Variants in ITGA9 observed in about 807,000 individuals in gnomAD.
ITGA9 encodes integrin alpha-9.
Under a neutral mutation model 127.8 loss-of-function variants are expected in ITGA9, and 56 were observed. The ratio of observed to expected loss-of-function variants is 0.44; its 90% CI spans 0.35 to 0.55. The LOEUF is 0.55. Ranked by LOEUF, ITGA9 falls within the 20% of genes least tolerant of loss-of-function variation. ITGA9 has a pLI of 0.00. For synonymous variants in ITGA9, 508 were observed against 514.5 expected (o/e 0.99, Z 0.17); for missense variants, 1,196 against 1,347.1 (o/e 0.89, Z 1.76).
chr3:37,601,199 T>C (rs1330476735), intron 15 of ITGA9, among the ~76,000 whole-genome samples: 1 of 152,236 alleles, frequency 6.6e-6, no homozygotes, highest in Non-Finnish European at 1.5e-5. Flanking sequence ...GTGGTTCCTT[T>C]CTTTCTGCCA....
intron 8 of ITGA9, among the ~76,000 whole-genome samples, chr3:37,510,530 A>G (rs1045925673): frequency 6.6e-6 from 1 of 152,090 alleles, no homozygotes; most frequent in Non-Finnish European, 1.5e-5. Flanking sequence ...CAAGTTGATC[A>G]GGTTTTTGGG....
At chr3:37,789,017 TA>T (rs1288137329) in intron 26 of ITGA9, among the ~76,000 whole-genome samples, 1 of 152,160 alleles carries the variant, frequency 6.6e-6, no homozygotes, top group Admixed American at 6.5e-5. Flanking sequence ...CAAAATAAAA[TA>T]AATCCTCAAT....
intron 18 of ITGA9, among the ~76,000 whole-genome samples, chr3:37,704,959 C>A (rs1700988080): frequency 1.3e-5 from 2 of 152,126 alleles, no homozygotes; most frequent in South Asian, 4.1e-4. Context: ...TAACAGGAAG[C>A]CCCTTGTTTG....
intron 18 of ITGA9, among the ~76,000 whole-genome samples, chr3:37,684,274 C>G (rs1036209112): frequency 2.0e-5 from 3 of 152,156 alleles, no homozygotes; most frequent in Non-Finnish European, 4.4e-5. Flanking sequence ...TTGTGGAATC[C>G]TCTCCCTATG....
intron 2 of ITGA9, among the ~76,000 whole-genome samples, chr3:37,472,584 C>T (rs556152446): frequency 8.6e-5 from 13 of 151,974 alleles, no homozygotes; most frequent in South Asian, 4.2e-4. Context: ...TTAGTGGAGA[C>T]GGGGTTTCGC....
intron 15 of ITGA9, among the ~76,000 whole-genome samples, chr3:37,558,373 C>A (rs1699451551): frequency 6.6e-6 from 1 of 152,144 alleles, no homozygotes; most frequent in African/African-American, 2.4e-5. Context: ...AAAGACTGGG[C>A]CCTGTCCTCC....
intron 4 of ITGA9, among the ~76,000 whole-genome samples, chr3:37,489,588 A>G (rs1698645706): frequency 6.6e-6 from 1 of 151,916 alleles, no homozygotes; most frequent in African/African-American, 2.4e-5. Flanking sequence ...TTCCTCTTTA[A>G]CCTAGCTGTT....
chr3:37,487,837 AT>A (rs1263778744), intron 4 of ITGA9, among the ~76,000 whole-genome samples: 7 of 151,716 alleles, frequency 4.6e-5, no homozygotes, highest in South Asian at 2.1e-4. Context: ...AAAAAGTCAT[AT>A]TTTTTTTCAA....
chr3:37,818,766 G>A (rs1188441387), intron 27 of ITGA9, 125 bp from the exon 28 acceptor site: 1 of 732,408 alleles, frequency 1.4e-6, no homozygotes, highest in Non-Finnish European at 2.5e-6. Flanking sequence ...AATCCGAGGG[G>A]TCCTCCAAGC....
chr3:37,803,043 A>C (rs1697252901), intron 26 of ITGA9, among the ~76,000 whole-genome samples: 1 of 152,192 alleles, frequency 6.6e-6, no homozygotes, highest in African/African-American at 2.4e-5. Context: ...TCCTAACTCT[A>C]GTGGGGTCCA....
chr3:37,755,095 T>C (rs1461144697), intron 23 of ITGA9, among the ~76,000 whole-genome samples: 1 of 152,294 alleles, frequency 6.6e-6, no homozygotes, highest in Non-Finnish European at 1.5e-5. Context: ...TTTATTGCTG[T>C]CCCAAGGCTT....
At chr3:37,770,605 TGAC>T (rs1696831165) in intron 23 of ITGA9, among the ~76,000 whole-genome samples, 1 of 152,238 alleles carries the variant, frequency 6.6e-6, no homozygotes, top group Non-Finnish European at 1.5e-5. Context: ...TGGGATCAGA[TGAC>T]GACAACATTT....
intron 23 of ITGA9, 75 bp from the exon 24 acceptor site, chr3:37,777,317 T>C: frequency 6.4e-7 from 1 of 1,556,234 alleles, no homozygotes; most frequent in Non-Finnish European, 8.9e-7. Flanking sequence ...CACTCCTGCC[T>C]CTACAATAAG....
chr3:37,536,943 C>T (rs1411410635), intron 14 of ITGA9, among the ~76,000 whole-genome samples: 2 of 152,252 alleles, frequency 1.3e-5, no homozygotes, highest in Non-Finnish European at 2.9e-5. Context: ...GGTCCCAGAC[C>T]AGCTGCATTA....
At position 37,492,704 on chromosome 3, in the gene ITGA9, C is replaced by G. The variant is rs1698685478; in HGVS notation, c.545-1797C>G. On this transcript the variant is annotated intron_variant, in intron 4 of 27. Transcript: ENST00000264741. Reference sequence around the variant, plus strand: ...GGTGGTGTGTCTTGCACTATAGTTTCATTCAGCTCATGGGGTCTGAATTTC... The same window carrying G: ...GGTGGTGTGTCTTGCACTATAGTTTGATTCAGCTCATGGGGTCTGAATTTC... Among the ~76,000 whole-genome samples, 4 of 152,208 alleles carry G rather than the reference C, an allele frequency of 2.6e-5. No individual in the cohort carries two copies. In the South Asian group the frequency reaches 8.3e-4, roughly 31 times the overall value.
At chr3:37,606,981 T>TC (rs1232902306) in intron 15 of ITGA9, among the ~76,000 whole-genome samples, 2 of 150,346 alleles carry the variant, frequency 1.3e-5, no homozygotes, top group Admixed American at 6.6e-5. Flanking sequence ...TTTTTTTTTT[T>TC]TTTTTTTTTT....
chr3:37,667,774 TAG>T (rs1700599824), intron 17 of ITGA9, among the ~76,000 whole-genome samples: 1 of 152,180 alleles, frequency 6.6e-6, no homozygotes, highest in African/African-American at 2.4e-5. Context: ...AGACAGGGAT[TAG>T]AGTCACTTAT....
rs1027188203 is a variant in ITGA9 at position 37,533,302 on chromosome 3, CTT to C, written c.1374-11_1374-10del. 4.3e-6 allele frequency: 7 copies of C among 1,613,998 alleles called. No homozygotes were observed. Among genetic ancestry groups the C allele is most frequent in the Non-Finnish European group, 5.9e-6 (7 of 1,179,868 alleles). ...TACCACGACTAAGTCACCTTCCTCT[CTT>C]GCCCTGCAGAGCAAGGCCTGTCATT... is the stretch of plus-strand genomic sequence containing the variant. On this transcript the variant is annotated splice_polypyrimidine_tract_variant and intron_variant, in intron 13 of 27. Coordinates refer to ENST00000264741, the MANE Select transcript of ITGA9 (RefSeq NM_002207.3).
chr3:37,802,770 C>T lies in ITGA9; in HGVS notation c.2890-1053C>T, dbSNP rs778347263. 2.0e-5 allele frequency among the ~76,000 whole-genome samples: 3 copies of T among 152,120 alleles called. No individual in the cohort carries two copies. In the South Asian group the frequency reaches 6.2e-4, roughly 32 times the overall value. ...GGGTAGGGGTGCCCTGATTTGTTTG[C>T]CAAATACTCCCACCATAGCCCATTT... is the stretch of plus-strand genomic sequence containing the variant. On this transcript the variant is annotated intron_variant, in intron 26 of 27. Transcript: ENST00000264741.
Sources: allele counts gnomAD v4.1 joint callset (sites outside exome capture counted in the v4.1 genomes callset), GRCh38; gene constraint gnomAD v4.1.1; transcripts MANE v1.5; gene names NCBI Gene and HGNC (gene_info 2026-07-23, HGNC 2026-07-21).